Variants in FGF9 observed in about 807,000 individuals in gnomAD.
FGF9 encodes the protein fibroblast growth factor 9 (glia-activating factor).
In FGF9, 3 loss-of-function variants were observed where a neutral mutation model predicts 19.9. That is an observed-to-expected ratio of 0.15 (90% confidence interval 0.07 to 0.39). FGF9 has a LOEUF of 0.39. Among genes scored for constraint, FGF9 ranks in the 10% least tolerant of loss-of-function variants. FGF9 has a pLI of 1.00. For synonymous variants in FGF9, 107 were observed against 106.9 expected, an observed-to-expected ratio of 1.00 and a Z score of -0.01; for missense variants, 175 against 256.8, an observed-to-expected ratio of 0.68 and a Z score of 2.18.
At chr13:21,680,980 G>T in intron 1 of FGF9, 62 bp from the exon 2 acceptor site, 1 of 1,279,362 alleles carries the variant, frequency 7.8e-7, no homozygotes, top group Non-Finnish European at 1.1e-6. Flanking sequence ...CAGGGATGCT[G>T]GGACTCTAAG....
chr13:21,674,494 G>C (rs968564289), intron 1 of FGF9, among the ~76,000 whole-genome samples: 2 of 151,828 alleles, frequency 1.3e-5, no homozygotes, highest in African/African-American at 4.8e-5. Context: ...CTTCACAACC[G>C]GGGGAGCCCG....
intron 2 of FGF9, among the ~76,000 whole-genome samples, chr13:21,697,280 C>T (rs17840909): frequency 5.6e-4 from 85 of 152,264 alleles, no homozygotes; most frequent in Non-Finnish European, 1.0e-3. Context: ...TCCTGTGTAG[C>T]TTGGACTACA....
At chr13:21,676,397 T>C (rs1055826403) in intron 1 of FGF9, among the ~76,000 whole-genome samples, 1 of 152,212 alleles carries the variant, frequency 6.6e-6, no homozygotes, top group Non-Finnish European at 1.5e-5. Context: ...TTTTGAACTT[T>C]AATTCTGTTC....
chr13:21,683,663 T>A (rs1872093544), intron 2 of FGF9, among the ~76,000 whole-genome samples: 1 of 152,112 alleles, frequency 6.6e-6, no homozygotes, highest in Non-Finnish European at 1.5e-5. Flanking sequence ...GAAGCACACA[T>A]CTTCTCTCGT....
chr13:21,676,755 G>A (rs1871925184), intron 1 of FGF9, among the ~76,000 whole-genome samples: 1 of 152,188 alleles, frequency 6.6e-6, no homozygotes, highest in Non-Finnish European at 1.5e-5. Flanking sequence ...GTAATGCGTT[G>A]GGGGCTCTTA....
At chr13:21,701,037 G>C (rs916299225) in intron 2 of FGF9, among the ~76,000 whole-genome samples, 153 bp from the exon 3 acceptor site, 3 of 152,028 alleles carry the variant, frequency 2.0e-5, no homozygotes, top group Non-Finnish European at 4.4e-5. Flanking sequence ...TTAATTTTTA[G>C]TTCTGGGGTA....
chr13:21,701,506 T>C lies in FGF9; in HGVS notation c.*71T>C, dbSNP rs1872543222. The C allele has an allele frequency of 1.2e-6, 2 of 1,608,262 alleles. No individual in the cohort carries two copies. Among genetic ancestry groups the C allele is most frequent in the Non-Finnish European group, 1.7e-6 (2 of 1,175,622 alleles). The stretch of plus-strand genomic sequence containing the variant: ...AAAGGTTTCACGCGGTGGGTTCTTA[T>C]TGATTCGCTGTGTCATCACATCAGC... On this transcript the variant is annotated 3_prime_UTR_variant, in exon 3 of 3. Coordinates refer to ENST00000382353, the MANE Select transcript of FGF9 (RefSeq NM_002010.3).
intron 2 of FGF9, among the ~76,000 whole-genome samples, chr13:21,692,161 G>A (rs1872306613): frequency 6.6e-6 from 1 of 152,094 alleles, no homozygotes; most frequent in South Asian, 2.1e-4. Flanking sequence ...AATTATTTTT[G>A]CCTATTTAGC....
chr13:21,675,077 A>G (rs1871878459), intron 1 of FGF9, among the ~76,000 whole-genome samples: 4 of 143,114 alleles, frequency 2.8e-5, no homozygotes, highest in Non-Finnish European at 4.6e-5. Context: ...ATGGGAGGGG[A>G]GCGGAAGCCC....
At chr13:21,688,597 A>C (rs1872214292) in intron 2 of FGF9, among the ~76,000 whole-genome samples, 1 of 152,182 alleles carries the variant, frequency 6.6e-6, no homozygotes, top group African/African-American at 2.4e-5. Context: ...AAATTAGTAA[A>C]TCTTGTCTGA....
intron 2 of FGF9, 147 bp from the exon 3 acceptor site, chr13:21,701,043 G>T: frequency 1.3e-5 from 8 of 609,490 alleles, no homozygotes; most frequent in Admixed American, 3.0e-5. Context: ...TTTAGTTCTG[G>T]GGTACATGTG....
At chr13:21,675,413 T>C (rs1871889612) in intron 1 of FGF9, among the ~76,000 whole-genome samples, 1 of 151,922 alleles carries the variant, frequency 6.6e-6, no homozygotes, top group African/African-American at 2.4e-5. Flanking sequence ...ACCCTCGCCT[T>C]CCCAGCCCCG....
At chr13:21,675,114 C>T (rs910972055) in intron 1 of FGF9, among the ~76,000 whole-genome samples, 3 of 151,612 alleles carry the variant, frequency 2.0e-5, no homozygotes, top group Non-Finnish European at 4.4e-5. Context: ...CTGGGGGCGC[C>T]GAGCCGCTAG....
At position 21,692,830 on chromosome 13, in the gene FGF9, A is replaced by T. The variant is rs547717460; in HGVS notation, c.382-8360A>T. 9.2e-5 allele frequency among the ~76,000 whole-genome samples: 14 copies of T among 152,344 alleles called. No individual in the cohort carries two copies. The South Asian group carries it at 2.1e-3, about 23-fold the overall frequency. On this transcript the variant is annotated intron_variant, in intron 2 of 2. Coordinates refer to ENST00000382353, the MANE Select transcript of FGF9 (RefSeq NM_002010.3). ...AATTTCCTCCAGATCCCAACATGACATTCCTCAAATTATATATTAAAATGC... is the reference window on the plus strand; with the variant it reads ...AATTTCCTCCAGATCCCAACATGACTTTCCTCAAATTATATATTAAAATGC...
rs1872281670 is a variant in FGF9, at chr13:21,691,166, A to G, written c.381+10021A>G. 6.6e-6 allele frequency among the ~76,000 whole-genome samples: 1 copy of G among 152,266 alleles called. No homozygotes were observed. The highest frequency in any genetic ancestry group is 6.5e-5 in the Admixed American group (1 of 15,286). ...CAAATAAGGAGAATCAGCTGTACCT[A>G]CAAATGCAAATGTACTTCCTCATGT... On this transcript the variant is annotated intron_variant, in intron 2 of 2. Transcript: ENST00000382353. The surrounding 1 kb of genome is among the most constrained non-coding windows in gnomAD (Gnocchi z 4.2).
At position 21,702,429 on chromosome 13, in the gene FGF9, C is replaced by G. The variant is rs1440590904; in HGVS notation, c.*994C>G. 1 of 152,202 alleles carries G rather than the reference C, an allele frequency of 6.6e-6. No homozygotes were observed. The highest frequency in any genetic ancestry group is 1.5e-5 in the Non-Finnish European group (1 of 68,042). The allele number at this position is 152,202 out of a possible 1,614,324, so 9.4% of individuals were successfully genotyped here. ...ATTTCCTCTCTCATAAGTGACTCCA[C>G]TATTGTAACTTCATGGTTGGAAAAT... On this transcript the variant is annotated 3_prime_UTR_variant, in exon 3 of 3. Transcript: ENST00000382353.
intron 2 of FGF9, among the ~76,000 whole-genome samples, chr13:21,689,709 C>G (rs1416955897): frequency 6.6e-6 from 1 of 152,242 alleles, no homozygotes; most frequent in Non-Finnish European, 1.5e-5. Context: ...GAATTCCTCA[C>G]TGAGCAGTCT....
rs551691876 is a variant in FGF9 at position 21,702,959 on chromosome 13, T to G, written c.*1524T>G. The G allele has an allele frequency of 6.6e-6, 1 of 152,356 alleles. No homozygotes were observed. The highest frequency in any genetic ancestry group is 2.1e-4 in the South Asian group (1 of 4,832). 9.4% of individuals were successfully genotyped at this position (152,356 alleles called of 1,614,324 possible). A position where few individuals can be genotyped will look rare whatever the true frequency, so the allele number is the denominator to read the frequency against. On this transcript the variant is annotated 3_prime_UTR_variant, in exon 3 of 3. Transcript: ENST00000382353. The stretch of plus-strand genomic sequence containing the variant: ...TATATAGAATATCTTTTACAAGGCT[T>G]TTATAACATTTTATGCTGAAAAGCA...
At chr13:21,694,541 A>G (rs1330556110) in intron 2 of FGF9, among the ~76,000 whole-genome samples, 1 of 152,240 alleles carries the variant, frequency 6.6e-6, no homozygotes, top group Admixed American at 6.5e-5. Flanking sequence ...CTTCAAGGGC[A>G]TTCTACTCTC....
Sources: gnomAD v4.1 joint callset for allele counts (sites outside exome capture counted in the v4.1 genomes callset) on GRCh38, gnomAD v4.1.1 for gene constraint, Gnocchi (gnomAD v3.1) non-coding constraint, MANE v1.5 for transcripts, NCBI Gene and HGNC (gene_info 2026-07-23, HGNC 2026-07-21) for gene names.